Variants in PAK5 observed in about 807,000 individuals in gnomAD.
PAK5 encodes the protein p21 (RAC1) activated kinase 5, also known as serine/threonine-protein kinase PAK 5.
A neutral mutation model predicts 65.9 loss-of-function variants in PAK5; 16 were observed. The ratio of observed to expected loss-of-function variants is 0.24; its 90% CI spans 0.16 to 0.37. The LOEUF (loss-of-function observed/expected upper bound fraction) is 0.37, where lower values mean the gene tolerates loss of function less well. PAK5 is among the 10% of genes least tolerant of loss of function. The probability of loss-of-function intolerance (pLI) is 1.00; values close to 1 mark genes in which losing one functional copy is unlikely to be tolerated. For synonymous variants in PAK5, 371 were observed against 354.9 expected (o/e 1.05, Z -0.51); for missense variants, 785 against 903.9 (o/e 0.87, Z 1.69).
chr20:9,778,910 T>C (rs1193694729), intron 1 of PAK5, among the ~76,000 whole-genome samples: 2 of 151,628 alleles, frequency 1.3e-5, no homozygotes, highest in East Asian at 1.9e-4. Flanking sequence ...TCCATTCCCA[T>C]GTAAAACCTC....
At chr20:9,544,268 A>C (rs928837811) in intron 8 of PAK5, 101 bp downstream of exon 8, 1 of 1,279,488 alleles carries the variant, frequency 7.8e-7, no homozygotes, top group Non-Finnish European at 1.1e-6. Flanking sequence ...TGGAGCTAAA[A>C]GTCATTGCCC....
At chr20:9,739,840 C>T (rs62192881) in intron 1 of PAK5, among the ~76,000 whole-genome samples, 26,855 of 152,056 alleles carry the variant, frequency 0.18, 2,618 homozygotes, top group South Asian at 0.32. Context: ...CACCATGATT[C>T]TCAATTTGGA....
chr20:9,653,951 C>T (rs2123307626), intron 2 of PAK5, among the ~76,000 whole-genome samples: 1 of 133,992 alleles, frequency 7.5e-6, no homozygotes, highest in East Asian at 2.6e-4. Context: ...TTTTATTTTT[C>T]TTTTCTTCTC....
chr20:9,553,548 T>C (rs1038153878), intron 7 of PAK5, among the ~76,000 whole-genome samples: 7 of 151,512 alleles, frequency 4.6e-5, no homozygotes, highest in Non-Finnish European at 8.8e-5. Flanking sequence ...ATAATTATGT[T>C]ATTTCATGAG....
At chr20:9,772,477 A>G (rs1569082211) in intron 1 of PAK5, among the ~76,000 whole-genome samples, 1 of 151,248 alleles carries the variant, frequency 6.6e-6, no homozygotes. Flanking sequence ...GTCAGAGGTC[A>G]ATGACACCAG....
chr20:9,577,461 C>G (rs1255800056), intron 4 of PAK5: 1 of 152,028 alleles, frequency 6.6e-6, no homozygotes. Flanking sequence ...GAGACCTACA[C>G]AAGTTTTGTG....
At chr20:9,591,326 C>T (rs1413830605) in intron 3 of PAK5, among the ~76,000 whole-genome samples, 2 of 152,068 alleles carry the variant, frequency 1.3e-5, no homozygotes, top group Non-Finnish European at 2.9e-5. Flanking sequence ...CCTGTCAGCA[C>T]CCTCAACTTC....
intron 3 of PAK5, among the ~76,000 whole-genome samples, chr20:9,597,152 C>G (rs193101745): frequency 1.3e-5 from 2 of 152,298 alleles, no homozygotes; most frequent in East Asian, 1.9e-4. Context: ...AACTATGAAG[C>G]CTTCACCAAA....
At chr20:9,572,734 C>T (rs907979587) in intron 4 of PAK5, among the ~76,000 whole-genome samples, 2 of 152,220 alleles carry the variant, frequency 1.3e-5, no homozygotes, top group African/African-American at 2.4e-5. Flanking sequence ...GCAGACCTTA[C>T]AGCAAGGGCA....
intron 1 of PAK5, among the ~76,000 whole-genome samples, chr20:9,723,566 T>G (rs2048241914): frequency 6.6e-6 from 1 of 152,226 alleles, no homozygotes. Flanking sequence ...TTTAGCCATG[T>G]GATTTGATTT....
intron 1 of PAK5, among the ~76,000 whole-genome samples, chr20:9,738,818 TTG>T (rs35705495): frequency 0.66 from 98,797 of 149,970 alleles, 32,554 homozygotes; most frequent in East Asian, 0.83. Context: ...TATGGGCAGT[TTG>T]TGTGTGTGTG....
intron 1 of PAK5, among the ~76,000 whole-genome samples, chr20:9,835,071 T>C (rs759163542): frequency 6.6e-6 from 1 of 152,190 alleles, no homozygotes; most frequent in East Asian, 1.9e-4. Flanking sequence ...AGAATAAGGT[T>C]CTAAATTGCT....
intron 3 of PAK5, among the ~76,000 whole-genome samples, chr20:9,620,959 AAGAGAGAGAG>A (rs71803029): frequency 2.0e-5 from 3 of 147,050 alleles, no homozygotes; most frequent in Non-Finnish European, 3.0e-5. Flanking sequence ...GAGAGAGAGA[AAGAGAGAGAG>A]AGAGAGAGAG....
At chr20:9,791,905 G>T (rs1173949114) in intron 1 of PAK5, among the ~76,000 whole-genome samples, 2 of 152,044 alleles carry the variant, frequency 1.3e-5, no homozygotes, top group African/African-American at 4.8e-5. Context: ...GTCTTTGCAA[G>T]ACTTTGTCTT....
chr20:9,788,745 T>C (rs1338852934), intron 1 of PAK5, among the ~76,000 whole-genome samples: 1 of 152,172 alleles, frequency 6.6e-6, no homozygotes, highest in African/African-American at 2.4e-5. Flanking sequence ...CCTCTTCCTA[T>C]TCTTCTTGTC....
At chr20:9,584,183 T>G (rs997586919) in intron 3 of PAK5, among the ~76,000 whole-genome samples, 3 of 152,044 alleles carry the variant, frequency 2.0e-5, no homozygotes, top group African/African-American at 7.2e-5. Context: ...CTGTGAAGAG[T>G]AAAAGATGAG....
chr20:9,831,098 T>A (rs1254981895), intron 1 of PAK5, among the ~76,000 whole-genome samples: 1 of 152,226 alleles, frequency 6.6e-6, no homozygotes, highest in East Asian at 1.9e-4. Flanking sequence ...GCCAGTGGAC[T>A]GTGGTCAAGC....
At chr20:9,771,408 A>ATTTT (rs1195760164) in intron 1 of PAK5, among the ~76,000 whole-genome samples, 6 of 148,194 alleles carry the variant, frequency 4.0e-5, no homozygotes, top group South Asian at 2.1e-4. Flanking sequence ...ATAATTTAAA[A>ATTTT]AAATTTTTTT....
chr20:9,629,921 G>T (rs1305828260), intron 3 of PAK5, among the ~76,000 whole-genome samples: 1 of 152,172 alleles, frequency 6.6e-6, no homozygotes. Context: ...GATGGTGAAG[G>T]CTCAGAAGTG....
Sources: gnomAD v4.1 joint callset for allele counts (sites outside exome capture counted in the v4.1 genomes callset) on GRCh38, gnomAD v4.1.1 for gene constraint, MANE v1.5 for transcripts, NCBI Gene and HGNC (gene_info 2026-07-23, HGNC 2026-07-21) for gene names.